TAF1B: variants seen among roughly 807,000 people sequenced by gnomAD.
TAF1B encodes TATA-box binding protein associated factor, RNA polymerase I subunit B.
A neutral mutation model predicts 83.9 loss-of-function variants in TAF1B; 61 were observed. The observed-to-expected ratio is 0.73, with a 90% CI of 0.59 to 0.90. TAF1B has a LOEUF of 0.90. Ranked by LOEUF, TAF1B falls within the 40% of genes least tolerant of loss-of-function variation. The probability of loss-of-function intolerance (pLI) is 0.00; values close to 1 mark genes in which losing one functional copy is unlikely to be tolerated. For synonymous variants in TAF1B, 221 were observed against 224.6 expected (o/e 0.98, Z 0.14); for missense variants, 625 against 677.0 (o/e 0.92, Z 0.85).
intron 11 of TAF1B, 70 bp downstream of exon 11, chr2:9,911,627 A>G (rs984843761): frequency 1.2e-4 from 139 of 1,142,172 alleles, no homozygotes; most frequent in Non-Finnish European, 1.6e-4. Flanking sequence ...GAATAAATGT[A>G]GGCAAACAAC....
At chr2:9,916,933 G>A (rs57441833) in intron 12 of TAF1B, among the ~76,000 whole-genome samples, 11,074 of 141,796 alleles carry the variant, frequency 0.078, 513 homozygotes, top group Middle Eastern at 0.19. Context: ...CGCAACTTCC[G>A]CCTCCCGGGT....
chr2:9,890,324 T>C (rs1664831187), intron 8 of TAF1B, among the ~76,000 whole-genome samples: 1 of 152,190 alleles, frequency 6.6e-6, no homozygotes, highest in Non-Finnish European at 1.5e-5. Flanking sequence ...TCAGTTCCCA[T>C]GGTTGGTAAT....
intron 14 of TAF1B, among the ~76,000 whole-genome samples, chr2:9,925,025 A>T (rs1665991856): frequency 6.6e-6 from 1 of 152,192 alleles, no homozygotes. Flanking sequence ...TCCACAGATG[A>T]GGCAGAGCAG....
rs114913942 is a variant in TAF1B at position 9,921,143 on chromosome 2, G to A, written c.1565+1323G>A. On this transcript the variant is annotated intron_variant, in intron 14 of 14. Transcript: ENST00000263663. ...GTCTTGCTGTGTCACCCAAGCTGGAGTACAGTGGCACGATAATGGCTCACT... is the reference window on the plus strand; with the variant it reads ...GTCTTGCTGTGTCACCCAAGCTGGAATACAGTGGCACGATAATGGCTCACT... Among the ~76,000 whole-genome samples, 604 of 152,316 alleles carry A rather than the reference G, an allele frequency of 4.0e-3. 7 individuals are homozygous for A. The highest frequency in any genetic ancestry group is 0.013 in the African/African-American group (558 of 41,558).
intron 5 of TAF1B, 31 bp from the exon 6 acceptor site, chr2:9,868,245 A>C: frequency 1.9e-6 from 3 of 1,610,408 alleles, no homozygotes; most frequent in Non-Finnish European, 2.5e-6. Flanking sequence ...ACTGTTACAC[A>C]ATAATTTTAT....
chr2:9,848,074 T>C (rs777419177), intron 2 of TAF1B, among the ~76,000 whole-genome samples: 8 of 152,328 alleles, frequency 5.3e-5, no homozygotes, highest in Non-Finnish European at 8.8e-5. Context: ...CTAGTACAGA[T>C]TTTAAGTCTT....
chr2:9,848,432 C>T (rs899607104), intron 2 of TAF1B, among the ~76,000 whole-genome samples: 1 of 152,026 alleles, frequency 6.6e-6, no homozygotes, highest in Admixed American at 6.6e-5. Flanking sequence ...TTTGGGAGAC[C>T]GAGGTGGGCA....
chr2:9,923,609 G>A lies in TAF1B; in HGVS notation c.1565+3789G>A, dbSNP rs181425992. The stretch of plus-strand genomic sequence containing the variant: ...CAGGCGAATCACTTGAACCCAGGAG[G>A]TGGAGGTTGCAGTGAGCCGAGATCA... On this transcript the variant is annotated intron_variant, in intron 14 of 14. Coordinates refer to ENST00000263663, the MANE Select transcript of TAF1B (RefSeq NM_005680.3). Among the ~76,000 whole-genome samples the A allele has an allele frequency of 2.4e-4, 36 of 152,154 alleles. No individual in the cohort carries two copies. The East Asian group carries it at 5.8e-3, about 25-fold the overall frequency.
At chr2:9,881,779 G>A (rs1370500858) in intron 7 of TAF1B, among the ~76,000 whole-genome samples, 1 of 152,134 alleles carries the variant, frequency 6.6e-6, no homozygotes, top group Non-Finnish European at 1.5e-5. Flanking sequence ...ATGTGTATGT[G>A]TTATTTTCTT....
rs562674033 is a variant in TAF1B at position 9,851,986 on chromosome 2, T to C, written c.303+348T>C. On this transcript the variant is annotated intron_variant, in intron 4 of 14. Coordinates refer to ENST00000263663, the MANE Select transcript of TAF1B (RefSeq NM_005680.3). The stretch of plus-strand genomic sequence containing the variant: ...TTTCCAGGGAATGTCCTGTGTGTTA[T>C]TCACAATTTGAGAACAAAATCGTTT... The C allele has an allele frequency of 2.1e-4, 100 of 485,632 alleles. 1 individual carries two copies. The highest frequency in any genetic ancestry group is 1.0e-3 in the South Asian group (67 of 64,692). 30.1% of individuals were successfully genotyped at this position (485,632 alleles called of 1,614,324 possible).
At chr2:9,923,460 C>T (rs1337216261) in intron 14 of TAF1B, among the ~76,000 whole-genome samples, 1 of 152,032 alleles carries the variant, frequency 6.6e-6, no homozygotes, top group Non-Finnish European at 1.5e-5. Context: ...GGGCAGATCA[C>T]CTGAGGTCTG....
intron 12 of TAF1B, among the ~76,000 whole-genome samples, chr2:9,915,103 G>C (rs1665643620): frequency 6.6e-6 from 1 of 152,236 alleles, no homozygotes; most frequent in African/African-American, 2.4e-5. Context: ...ACTTCTAGCT[G>C]TTATAGAAGA....
At chr2:9,931,280 T>C (rs946481555) in intron 14 of TAF1B, among the ~76,000 whole-genome samples, 1 of 152,252 alleles carries the variant, frequency 6.6e-6, no homozygotes, top group Non-Finnish European at 1.5e-5. Flanking sequence ...CTTTACAATT[T>C]GGCATGTTTT....
chr2:9,879,683 G>T (rs1475667617), intron 7 of TAF1B, among the ~76,000 whole-genome samples: 1 of 152,180 alleles, frequency 6.6e-6, no homozygotes, highest in Non-Finnish European at 1.5e-5. Context: ...GAGAATTCTA[G>T]GGCGGAGTAG....
At chr2:9,878,219 C>CT (rs35740852) in intron 7 of TAF1B, among the ~76,000 whole-genome samples, 23,556 of 143,064 alleles carry the variant, frequency 0.16, 1,955 homozygotes, top group Middle Eastern at 0.28. Flanking sequence ...GATTCTTCTT[C>CT]TTTTTTTTTT....
chr2:9,844,585 T>G (rs75428114), intron 1 of TAF1B: 12,915 of 152,370 alleles, frequency 0.085, 588 homozygotes, highest in Middle Eastern at 0.16. Flanking sequence ...TACGGTCTTA[T>G]AGTAGAGGCT....
chr2:9,902,473 C>T (rs1351852987), intron 8 of TAF1B, among the ~76,000 whole-genome samples: 1 of 152,136 alleles, frequency 6.6e-6, no homozygotes, highest in African/African-American at 2.4e-5. Context: ...GACAGAGTTA[C>T]TGAGTTTTAT....
intron 2 of TAF1B, 82 bp downstream of exon 2, chr2:9,845,400 G>T (rs1380882704): frequency 7.8e-6 from 9 of 1,155,284 alleles, no homozygotes; most frequent in Non-Finnish European, 1.0e-5. Context: ...AAGTCCCAAA[G>T]AATTGGGTTG....
chr2:9,863,072 A>T (rs1377177964), intron 5 of TAF1B, among the ~76,000 whole-genome samples: 2 of 152,244 alleles, frequency 1.3e-5, no homozygotes, highest in East Asian at 3.8e-4. Flanking sequence ...CATCATAATG[A>T]CAGGATCAGA....
Sources: allele counts gnomAD v4.1 joint callset (sites outside exome capture counted in the v4.1 genomes callset), GRCh38; gene constraint gnomAD v4.1.1; transcripts MANE v1.5; gene names NCBI Gene and HGNC (gene_info 2026-07-23, HGNC 2026-07-21).